The following NFIB variants were observed in gnomAD, a reference collection of about 807,000 sequenced individuals.
The protein encoded by NFIB is nuclear factor 1 B-type.
In NFIB, 11 loss-of-function variants were observed where a neutral mutation model predicts 61.5. The observed-to-expected ratio is 0.18, with a 90% CI of 0.11 to 0.30. The LOEUF (loss-of-function observed/expected upper bound fraction) is 0.30. Ranked by LOEUF, NFIB falls within the 10% of genes least tolerant of loss-of-function variation. NFIB has a pLI of 1.00. For missense variants in NFIB, 471 were observed against 608.9 expected (o/e 0.77, Z 2.38); for synonymous variants, 260 against 216.5 (o/e 1.20, Z -1.76).
At chr9:14,316,822 GC>G (rs2060554137), upstream of NFIB, among the ~76,000 whole-genome samples, 1 of 152,240 alleles carries the variant, frequency 6.6e-6, no homozygotes, top group East Asian at 1.9e-4. Flanking sequence ...TTTAACTACT[GC>G]AGTTTCCCTT....
chr9:14,228,457 A>C (rs2052720543), intron 2 of NFIB, among the ~76,000 whole-genome samples: 1 of 152,060 alleles, frequency 6.6e-6, no homozygotes, highest in African/African-American at 2.4e-5. Flanking sequence ...CAGCCTCCCA[A>C]AGCCTCCCAG....
intron 2 of NFIB, among the ~76,000 whole-genome samples, chr9:14,209,211 C>A (rs2050061936): frequency 6.6e-6 from 1 of 152,116 alleles, no homozygotes; most frequent in African/African-American, 2.4e-5. Context: ...TGCTTATGTT[C>A]TTTTCATCAC....
At chr9:14,232,173 C>A (rs1487663657) in intron 2 of NFIB, among the ~76,000 whole-genome samples, 1 of 152,122 alleles carries the variant, frequency 6.6e-6, no homozygotes, top group African/African-American at 2.4e-5. Flanking sequence ...GAAATGGGTT[C>A]ATGGATGTTA....
At chr9:14,361,234 A>G (rs1337451822) in intron 1 of NFIB, 5 of 150,338 alleles carry the variant, frequency 3.3e-5, no homozygotes, top group Admixed American at 3.3e-4. Context: ...TTGAGAGTTG[A>G]TTAACTGGGA....
intron 2 of NFIB, among the ~76,000 whole-genome samples, chr9:14,223,050 A>T (rs2051895572): frequency 6.6e-6 from 1 of 152,146 alleles, no homozygotes; most frequent in Non-Finnish European, 1.5e-5. Flanking sequence ...CACTAACAAT[A>T]GCTGATGAAC....
At chr9:14,250,132 C>T (rs557899505) in intron 2 of NFIB, among the ~76,000 whole-genome samples, 1 of 152,166 alleles carries the variant, frequency 6.6e-6, no homozygotes, top group African/African-American at 2.4e-5. Flanking sequence ...GGTTATCACG[C>T]AGGATTTTTA....
At chr9:14,518,771 G>A in the NFIB span, among the ~76,000 whole-genome samples, 1 of 152,106 alleles carries the variant, frequency 6.6e-6, no homozygotes, top group African/African-American at 2.4e-5. Context: ...ATGGGGTAGA[G>A]AGCATGAGAA....
At chr9:14,124,074 G>A (rs1167050544) in intron 7 of NFIB, among the ~76,000 whole-genome samples, 1 of 152,182 alleles carries the variant, frequency 6.6e-6, no homozygotes, top group Non-Finnish European at 1.5e-5. Context: ...TTTAAGGACA[G>A]AAACGATCTT....
At chr9:14,364,292 T>C (rs2061274667) in intron 1 of NFIB, among the ~76,000 whole-genome samples, 5 of 152,220 alleles carry the variant, frequency 3.3e-5, no homozygotes, top group Non-Finnish European at 7.4e-5. Flanking sequence ...TTTTTTGGCT[T>C]TGTGAAGTTT....
At chr9:14,150,302 T>C in intron 4 of NFIB, 37 bp from the exon 5 acceptor site, 6 of 1,612,304 alleles carry the variant, frequency 3.7e-6, no homozygotes, top group Non-Finnish European at 5.1e-6. Flanking sequence ...GGAATGACAT[T>C]CGTATTTCTG....
chr9:14,283,589 C>T (rs569688825), intron 2 of NFIB, among the ~76,000 whole-genome samples: 1 of 152,238 alleles, frequency 6.6e-6, no homozygotes, highest in East Asian at 1.9e-4. Context: ...CCTGATCATG[C>T]TCAGGGCTGC....
the NFIB span, among the ~76,000 whole-genome samples, chr9:14,517,990 C>A: frequency 6.6e-6 from 1 of 152,200 alleles, no homozygotes. Flanking sequence ...ATTGCATTGT[C>A]TTCTAACTAG....
chr9:14,261,426 C>T (rs2056742506), intron 2 of NFIB, among the ~76,000 whole-genome samples: 1 of 152,224 alleles, frequency 6.6e-6, no homozygotes, highest in Non-Finnish European at 1.5e-5. Context: ...ATTCATATCA[C>T]ATTTCAGCCC....
chr9:14,243,495 G>T (rs1197898034), intron 2 of NFIB, among the ~76,000 whole-genome samples: 4 of 152,050 alleles, frequency 2.6e-5, no homozygotes, highest in Non-Finnish European at 5.9e-5. Context: ...AGGTTTGGGG[G>T]TGGAATTGTT....
At chr9:14,330,956 T>G (rs2060814396) in intron 1 of NFIB, among the ~76,000 whole-genome samples, 1 of 152,102 alleles carries the variant, frequency 6.6e-6, no homozygotes, top group Non-Finnish European at 1.5e-5. Context: ...TGTACTGAGT[T>G]TCCCCGAGGT....
At chr9:14,399,506 A>C (rs908648268), upstream of NFIB, among the ~76,000 whole-genome samples, 3 of 152,214 alleles carry the variant, frequency 2.0e-5, no homozygotes, top group Non-Finnish European at 4.4e-5. Flanking sequence ...GCAAGTAATC[A>C]AAATAACAGC....
the NFIB span, among the ~76,000 whole-genome samples, chr9:14,436,670 T>C: frequency 1.3e-5 from 2 of 152,188 alleles, no homozygotes; most frequent in Non-Finnish European, 2.9e-5. Context: ...CTGATGGCAT[T>C]TGCAACTTCT....
chr9:14,274,424 G>A (rs1180389351), intron 2 of NFIB, among the ~76,000 whole-genome samples: 1 of 152,140 alleles, frequency 6.6e-6, no homozygotes, highest in Non-Finnish European at 1.5e-5. Flanking sequence ...TCAAAGCCCA[G>A]CCCTCATTTT....
chr9:14,470,436 G>A, the NFIB span, among the ~76,000 whole-genome samples: 2 of 152,084 alleles, frequency 1.3e-5, no homozygotes, highest in Non-Finnish European at 2.9e-5. Flanking sequence ...AATTCCTTCT[G>A]TTCCTTGGTT....
Sources: allele counts gnomAD v4.1 joint callset (sites outside exome capture counted in the v4.1 genomes callset), GRCh38; gene constraint gnomAD v4.1.1; transcripts MANE v1.5; gene names NCBI Gene and HGNC (gene_info 2026-07-23, HGNC 2026-07-21).